The following PARD3 variants were observed in gnomAD, a reference collection of about 807,000 sequenced individuals.
PARD3 encodes the protein par-3 family cell polarity regulator, also known as partitioning defective 3 homolog.
Under a neutral mutation model 155.4 loss-of-function variants are expected in PARD3, and 75 were observed. The ratio of observed to expected loss-of-function variants is 0.48; its 90% CI spans 0.40 to 0.58. The LOEUF (loss-of-function observed/expected upper bound fraction) is 0.58. PARD3 is among the 20% of genes least tolerant of loss of function. PARD3 has a pLI of 0.00. For missense variants in PARD3, 1,642 were observed against 1,721.7 expected (o/e 0.95, Z 0.82); for synonymous variants, 576 against 610.5 (o/e 0.94, Z 0.83).
chr10:34,814,835 C>A (rs1251904935), intron 1 of PARD3, 41 bp downstream of exon 1: 3 of 1,213,164 alleles, frequency 2.5e-6, no homozygotes, highest in South Asian at 2.7e-5. Context: ...GGCGCCGTCC[C>A]CGCCGCCGCC....
At chr10:34,146,473 C>T (rs547831296) in intron 22 of PARD3, among the ~76,000 whole-genome samples, 1 of 152,270 alleles carries the variant, frequency 6.6e-6, no homozygotes, top group East Asian at 1.9e-4. Context: ...TTGTAATCTA[C>T]AAAGCTCCAA....
intron 3 of PARD3, among the ~76,000 whole-genome samples, chr10:34,510,261 A>G (rs2081326155): frequency 6.6e-6 from 1 of 152,128 alleles, no homozygotes; most frequent in African/African-American, 2.4e-5. Context: ...GTTTCCAATC[A>G]GAGCACACTC....
intron 14 of PARD3, among the ~76,000 whole-genome samples, chr10:34,348,590 G>T (rs897007597): frequency 6.6e-6 from 1 of 152,158 alleles, no homozygotes; most frequent in Non-Finnish European, 1.5e-5. Context: ...ATGTGTGCTG[G>T]TGGAATTATT....
At chr10:34,738,925 C>T (rs1331759243) in intron 1 of PARD3, among the ~76,000 whole-genome samples, 1 of 152,112 alleles carries the variant, frequency 6.6e-6, no homozygotes, top group African/African-American at 2.4e-5. Flanking sequence ...AAACATAAAA[C>T]CAGAACAAGC....
chr10:34,598,733 C>T (rs915222879), intron 2 of PARD3, among the ~76,000 whole-genome samples: 1 of 152,110 alleles, frequency 6.6e-6, no homozygotes. Context: ...TCAGTAAGTC[C>T]TGGGGGTACC....
chr10:34,593,453 A>C (rs1456185563), intron 2 of PARD3, among the ~76,000 whole-genome samples: 3 of 152,206 alleles, frequency 2.0e-5, no homozygotes, highest in Non-Finnish European at 4.4e-5. Flanking sequence ...GAGATAATAC[A>C]TATTTTTATG....
intron 3 of PARD3, among the ~76,000 whole-genome samples, chr10:34,496,859 T>C (rs2080325699): frequency 6.6e-6 from 1 of 152,218 alleles, no homozygotes; most frequent in Non-Finnish European, 1.5e-5. Flanking sequence ...TTAAGTATTT[T>C]TGTTATTAAA....
At chr10:34,744,547 T>C (rs1257171532) in intron 1 of PARD3, among the ~76,000 whole-genome samples, 9 of 152,222 alleles carry the variant, frequency 5.9e-5, no homozygotes, top group African/African-American at 2.2e-4. Flanking sequence ...AGGCATCGCT[T>C]ACCAGCGTTT....
intron 22 of PARD3, among the ~76,000 whole-genome samples, chr10:34,136,653 G>A (rs1316856063): frequency 6.6e-6 from 1 of 152,134 alleles, no homozygotes; most frequent in African/African-American, 2.4e-5. Context: ...TGGTACAGGA[G>A]AAGAAAAGCT....
chr10:34,267,339 ATATCTGTGGT>A (rs1220528021), intron 22 of PARD3, among the ~76,000 whole-genome samples: 9 of 152,218 alleles, frequency 5.9e-5, no homozygotes, highest in African/African-American at 2.2e-4. Flanking sequence ...GGATCCTGAC[ATATCTGTGGT>A]TAGATAATAA....
chr10:34,511,125 TAC>T (rs900113168), intron 3 of PARD3, among the ~76,000 whole-genome samples: 2 of 152,232 alleles, frequency 1.3e-5, no homozygotes, highest in Admixed American at 6.5e-5. Flanking sequence ...CCATTTGTCT[TAC>T]ACAGTTTCCC....
At chr10:34,585,104 T>C (rs1030442388) in intron 2 of PARD3, among the ~76,000 whole-genome samples, 1 of 152,188 alleles carries the variant, frequency 6.6e-6, no homozygotes, top group East Asian at 1.9e-4. Context: ...AAAGAAAAGA[T>C]ACACATTATC....
At chr10:34,181,215 C>A (rs944161871) in intron 22 of PARD3, among the ~76,000 whole-genome samples, 3 of 152,126 alleles carry the variant, frequency 2.0e-5, no homozygotes, top group African/African-American at 7.2e-5. Context: ...TTTAACAGGT[C>A]ATTAACTTCT....
At chr10:34,213,010 G>A (rs1279735083) in intron 22 of PARD3, among the ~76,000 whole-genome samples, 1 of 152,116 alleles carries the variant, frequency 6.6e-6, no homozygotes, top group African/African-American at 2.4e-5. Flanking sequence ...CACTATCTTA[G>A]GCCTTTCCAA....
chr10:34,567,240 T>G (rs542489702), intron 2 of PARD3, among the ~76,000 whole-genome samples: 1 of 152,356 alleles, frequency 6.6e-6, no homozygotes, highest in Admixed American at 6.5e-5. Flanking sequence ...AACATTTATA[T>G]TTGTATTATG....
At chr10:34,412,114 C>G (rs1248172632) in intron 5 of PARD3, among the ~76,000 whole-genome samples, 1 of 151,996 alleles carries the variant, frequency 6.6e-6, no homozygotes, top group Non-Finnish European at 1.5e-5. Flanking sequence ...AGGTGTGCAT[C>G]ATCGCACCTG....
intron 5 of PARD3, among the ~76,000 whole-genome samples, chr10:34,439,945 A>G (rs2132644190): frequency 6.6e-6 from 1 of 152,262 alleles, no homozygotes; most frequent in East Asian, 1.9e-4. Context: ...TAAAGGAAAA[A>G]CATGGCTCAT....
chr10:34,219,501 A>AT (rs1230237406), intron 22 of PARD3, among the ~76,000 whole-genome samples: 4 of 152,066 alleles, frequency 2.6e-5, no homozygotes, highest in African/African-American at 4.8e-5. Context: ...GCACCTGGTG[A>AT]TTTTCTATGC....
intron 1 of PARD3, among the ~76,000 whole-genome samples, chr10:34,725,597 C>T (rs755262376): frequency 5.3e-5 from 8 of 152,182 alleles, no homozygotes; most frequent in Non-Finnish European, 1.0e-4. Flanking sequence ...TCGTAAAAAT[C>T]TACCCTTGGG....
Sources: gnomAD v4.1 joint callset for allele counts (sites outside exome capture counted in the v4.1 genomes callset) on GRCh38, gnomAD v4.1.1 for gene constraint, MANE v1.5 for transcripts, NCBI Gene and HGNC (gene_info 2026-07-23, HGNC 2026-07-21) for gene names.